The following CEP70 variants were observed in gnomAD, a reference collection of about 807,000 sequenced individuals.
CEP70 encodes centrosomal protein of 70 kDa.
A neutral mutation model predicts 90.9 loss-of-function variants in CEP70; 70 were observed. The ratio of observed to expected loss-of-function variants is 0.77; its 90% CI spans 0.64 to 0.94. The LOEUF (loss-of-function observed/expected upper bound fraction) is 0.94. CEP70 is among the 40% of genes least tolerant of loss of function. CEP70 has a pLI of 0.00. For synonymous variants in CEP70, 220 were observed against 228.3 expected, an observed-to-expected ratio of 0.96 and a Z score of 0.33; for missense variants, 648 against 669.0, an observed-to-expected ratio of 0.97 and a Z score of 0.35.
chr3:138,540,481 A>G (rs1445141541), intron 6 of CEP70, among the ~76,000 whole-genome samples: 2 of 29,340 alleles, frequency 6.8e-5, no homozygotes, highest in African/African-American at 1.8e-4. Context: ...AAGACTATGT[A>G]AAAAAAAAAA....
In CEP70 at chr3:138,570,332, G is replaced by C. The variant is rs1418857949; in HGVS notation, c.451C>G (p.Gln151Glu). The C allele has an allele frequency of 1.3e-6, 2 of 1,580,230 alleles. No individual in the cohort carries two copies. The highest frequency in any genetic ancestry group is 1.4e-5 in the African/African-American group (1 of 72,630). ...QNKIKDLQKE[Q>E]KTLQVKCQHY... ...TAACTCAGTACCTGTAAAGTTTTCT[G>C]CTCCTTTTGAAGATCTTTTATTTTA... Residue 151 changes from glutamine to glutamate, a missense_variant, in exon 6 of 18, where the codon CAG becomes GAG. Transcript: ENST00000264982.
intron 12 of CEP70, among the ~76,000 whole-genome samples, chr3:138,508,085 T>C (rs901493339): frequency 1.3e-5 from 2 of 151,852 alleles, no homozygotes; most frequent in Admixed American, 1.3e-4. Context: ...ACAAAAGCCA[T>C]ACAAGGACCC....
At chr3:138,531,830 C>T (rs187816770) in intron 8 of CEP70, among the ~76,000 whole-genome samples, 52 of 151,656 alleles carry the variant, frequency 3.4e-4, no homozygotes, top group African/African-American at 7.5e-4. Context: ...CTAGAGCATA[C>T]GCTTCATAAA....
At position 138,532,554 on chromosome 3, in the gene CEP70, CAATT is replaced by C; in HGVS notation, c.648_651del (p.Asp218ThrfsTer41). 1 of 1,505,082 alleles carries C rather than the reference CAATT, an allele frequency of 6.6e-7. No homozygotes were observed. Among genetic ancestry groups the C allele is most frequent in the South Asian group, 1.3e-5 (1 of 77,982 alleles). 93.2% of individuals were successfully genotyped at this position (1,505,082 alleles called of 1,614,324 possible). A position where few individuals can be genotyped will look rare whatever the true frequency, so the allele number is the denominator to read the frequency against. The stretch of plus-strand genomic sequence containing the variant: ...TTTCTAATTTTAGATTCATAGTAAT[CAATT>C]AGACAAAGCAACCTAGAAAACAGAA... On this transcript the variant is annotated frameshift_variant, in exon 8 of 18. Coordinates refer to ENST00000264982, the MANE Select transcript of CEP70 (RefSeq NM_024491.4). LOFTEE classifies it high-confidence loss of function.
At chr3:138,518,070 G>A (rs1302015061) in intron 11 of CEP70, among the ~76,000 whole-genome samples, 2 of 152,190 alleles carry the variant, frequency 1.3e-5, no homozygotes, top group African/African-American at 4.8e-5. Flanking sequence ...TACGCCCATG[G>A]AGCCTTGCTC....
At chr3:138,496,788 GAATTCATCTCC>G in intron 17 of CEP70, 1 of 985,324 alleles carries the variant, frequency 1.0e-6, no homozygotes, top group Non-Finnish European at 1.2e-6. Flanking sequence ...CCAAATTACA[GAATTCATCTCC>G]AGAGAAACCT....
At chr3:138,532,604 GCGGTA>G (rs201805469) in intron 7 of CEP70, 34 bp from the exon 8 acceptor site, 93 of 1,401,824 alleles carry the variant, frequency 6.6e-5, no homozygotes, top group Non-Finnish European at 8.5e-5. Context: ...TTTTCAAAAT[GCGGTA>G]TGGTATTACA....
At chr3:138,571,961 G>T (rs540583464) in intron 3 of CEP70, among the ~76,000 whole-genome samples, 3 of 152,116 alleles carry the variant, frequency 2.0e-5, no homozygotes, top group Non-Finnish European at 4.4e-5. Context: ...TGTATTTTTA[G>T]TAGAGATGGG....
chr3:138,529,452 C>T lies in CEP70; in HGVS notation c.703G>A (p.Glu235Lys). ...TCTTCTTCTGACTGACTTTCATCTT[C>T]TTTATATTGCCTATGAAAATATGTA... ...RKIHTQRQYK[E>K]DESQSEEEND... The change falls in exon 9 of 18, where the codon GAA becomes AAA. Residue 235 changes from glutamate to lysine, a missense_variant. Glu to Lys is a moderately conservative substitution (Grantham distance 56, BLOSUM62 1). Transcript: ENST00000264982. The T allele has an allele frequency of 5.6e-6, 9 of 1,597,532 alleles. No individual in the cohort carries two copies. Among genetic ancestry groups the T allele is most frequent in the Non-Finnish European group, 7.7e-6 (9 of 1,169,242 alleles).
chr3:138,524,591 C>A (rs192301519), intron 11 of CEP70, among the ~76,000 whole-genome samples: 7,267 of 152,174 alleles, frequency 0.048, 538 homozygotes, highest in African/African-American at 0.16. Flanking sequence ...ACCCCATCAA[C>A]AAGTGGGCAA....
rs571057936 is a variant in CEP70, at chr3:138,502,018, C to T, written c.1222-1137G>A. On this transcript the variant is annotated intron_variant, in intron 13 of 17. Transcript: ENST00000264982. ...CTCAATCCATATGTGTATGGCACAG[C>T]GCTTGGTCCTTTAGAACAACGCTGT... 3.3e-5 allele frequency among the ~76,000 whole-genome samples: 5 copies of T among 152,212 alleles called. No homozygotes were observed. The South Asian group carries it at 8.3e-4, about 25-fold the overall frequency.
At chr3:138,508,755 A>G (rs1213266725) in intron 11 of CEP70, among the ~76,000 whole-genome samples, 4 of 150,624 alleles carry the variant, frequency 2.7e-5, no homozygotes, top group African/African-American at 9.8e-5. Context: ...TTTTTTTGAG[A>G]CAGAATCTCG....
intron 6 of CEP70, among the ~76,000 whole-genome samples, chr3:138,560,076 G>A (rs949748274): frequency 5.9e-5 from 9 of 152,194 alleles, no homozygotes; most frequent in African/African-American, 2.2e-4. Context: ...TGCCAAGATG[G>A]CTGAATAGGA....
chr3:138,571,366 C>T lies in CEP70; in HGVS notation c.70-10G>A. ...ATTCTGCTTCTTCCTGCTACAATTA[C>T]AGAAAGAGAAGAAAGGGTTAACTTT... On this transcript the variant is annotated splice_polypyrimidine_tract_variant and intron_variant, in intron 3 of 17. Coordinates refer to ENST00000264982, the MANE Select transcript of CEP70 (RefSeq NM_024491.4). The T allele has an allele frequency of 6.4e-7, 1 of 1,563,172 alleles. No homozygotes were observed. The highest frequency in any genetic ancestry group is 1.4e-5 in the African/African-American group (1 of 73,848).
In CEP70 at chr3:138,544,804, G is replaced by C. The variant is rs140250313; in HGVS notation, c.466-7457C>G. 5.6e-3 allele frequency among the ~76,000 whole-genome samples: 856 copies of C among 152,182 alleles called. 7 individuals carry two copies. Among genetic ancestry groups the C allele is most frequent in the African/African-American group, 0.02 (824 of 41,526 alleles). ...TCATTACGTTAAATGAAATAAGCCA[G>C]GCCCTGAAAGACAACTATTGCACAT... On this transcript the variant is annotated intron_variant, in intron 6 of 17. Transcript: ENST00000264982.
intron 2 of CEP70, among the ~76,000 whole-genome samples, chr3:138,578,067 C>T (rs1025124061): frequency 3.3e-5 from 5 of 152,188 alleles, no homozygotes; most frequent in Admixed American, 6.5e-5. Flanking sequence ...GGTTTCAGAA[C>T]CACCTGCAAG....
chr3:138,505,340 A>G lies in CEP70; in HGVS notation c.1176T>C (p.Leu392=). ...CTGCCCACATTTCTATTACAGGAAC[A>G]AGATGCTCAAATCCACAATCTTGAA... ...DLVQDCGFEH[L]VPVIEMWADQ... is the part of the protein sequence containing the mutation. The change falls in exon 13 of 18, where the codon CTT becomes CTC. Residue 392 remains leucine, a synonymous_variant. Coordinates refer to ENST00000264982, the MANE Select transcript of CEP70 (RefSeq NM_024491.4). 1 of 1,612,640 alleles carries G rather than the reference A, an allele frequency of 6.2e-7. No individual in the cohort carries two copies. Among genetic ancestry groups the G allele is most frequent in the East Asian group, 2.2e-5 (1 of 44,752 alleles).
chr3:138,519,533 T>C (rs1199878497), intron 11 of CEP70, among the ~76,000 whole-genome samples: 1 of 152,186 alleles, frequency 6.6e-6, no homozygotes, highest in Non-Finnish European at 1.5e-5. Context: ...ATATTCAACA[T>C]TCTTAAAGAA....
At chr3:138,542,268 C>T (rs1156838469) in intron 6 of CEP70, among the ~76,000 whole-genome samples, 1 of 152,194 alleles carries the variant, frequency 6.6e-6, no homozygotes, top group African/African-American at 2.4e-5. Flanking sequence ...CAAGCAGCTT[C>T]CGCTGTGGGC....
Sources: gnomAD v4.1 joint callset for allele counts (sites outside exome capture counted in the v4.1 genomes callset) on GRCh38, gnomAD v4.1.1 for gene constraint, MANE v1.5 for transcripts, NCBI Gene and HGNC (gene_info 2026-07-23, HGNC 2026-07-21) for gene names.